Variants in GRIN2A observed in about 807,000 individuals in gnomAD.
The protein encoded by GRIN2A is glutamate receptor ionotropic, NMDA 2A.
GRIN2A carries 22 observed loss-of-function variants against 113.4 expected under a neutral mutation model. The observed-to-expected ratio is 0.19, with a 90% confidence interval of 0.14 to 0.28. The LOEUF (loss-of-function observed/expected upper bound fraction) is 0.28, where lower values mean the gene tolerates loss of function less well. Ranked by LOEUF, GRIN2A falls within the 10% of genes least tolerant of loss-of-function variation. The pLI, the probability that GRIN2A is intolerant of heterozygous loss-of-function variation, is 1.00. For missense variants in GRIN2A, 1,502 were observed against 1,887.0 expected (o/e 0.80, Z 3.78); for synonymous variants, 827 against 738.4 (o/e 1.12, Z -1.94).
At chr16:10,057,502 T>C (rs982569064) in intron 2 of GRIN2A, among the ~76,000 whole-genome samples, 1 of 152,116 alleles carries the variant, frequency 6.6e-6, no homozygotes, top group African/African-American at 2.4e-5. Context: ...ATCAATTTTG[T>C]TGAATTCTAT....
chr16:10,122,621 G>A (rs2048856925), intron 2 of GRIN2A, among the ~76,000 whole-genome samples: 1 of 152,116 alleles, frequency 6.6e-6, no homozygotes, highest in Admixed American at 6.5e-5. Context: ...AAAATGGGGA[G>A]CATTAAAATT....
chr16:10,180,697 T>G lies in GRIN2A; in HGVS notation c.-18-268A>C. On this transcript the variant is annotated intron_variant, in intron 1 of 12. Coordinates refer to ENST00000330684, the MANE Select transcript of GRIN2A (RefSeq NM_001134407.3). The surrounding 1 kb of genome is among the most constrained non-coding windows in gnomAD (Gnocchi z 7.0). ...TTCCTCATCCCCTGTCTCCAGGCAC[T>G]TCCCCATCCCCATCTCTGTCCATAT... 1 of 571,672 alleles carries G rather than the reference T, an allele frequency of 1.7e-6. No individual in the cohort carries two copies. The highest frequency in any genetic ancestry group is 3.1e-6 in the Non-Finnish European group (1 of 322,002). 35.4% of individuals were successfully genotyped at this position (571,672 alleles called of 1,614,324 possible). A position where few individuals can be genotyped will look rare whatever the true frequency, so the allele number is the denominator to read the frequency against.
chr16:9,978,124 A>G (rs2045812233), intron 2 of GRIN2A, among the ~76,000 whole-genome samples: 1 of 152,200 alleles, frequency 6.6e-6, no homozygotes, highest in African/African-American at 2.4e-5. Context: ...TCTAAACATG[A>G]CAATGCTACA....
chr16:10,134,064 T>C (rs2049133847), intron 2 of GRIN2A, among the ~76,000 whole-genome samples: 1 of 151,514 alleles, frequency 6.6e-6, no homozygotes, highest in African/African-American at 2.4e-5. Flanking sequence ...GGTATGGTGG[T>C]GCATGCCTGT....
chr16:9,917,589 G>A (rs1346013577), intron 3 of GRIN2A, among the ~76,000 whole-genome samples: 1 of 152,176 alleles, frequency 6.6e-6, no homozygotes, highest in African/African-American at 2.4e-5. Flanking sequence ...CACATCTTTT[G>A]CACTTTAACT....
chr16:9,938,687 C>T, intron 2 of GRIN2A, 136 bp from the exon 3 acceptor site: 1 of 700,294 alleles, frequency 1.4e-6, no homozygotes, highest in Non-Finnish European at 2.6e-6. Context: ...CTACTATATC[C>T]CAGACTCCAG....
chr16:10,103,071 T>C (rs372628233), intron 2 of GRIN2A, among the ~76,000 whole-genome samples: 3 of 152,194 alleles, frequency 2.0e-5, no homozygotes, highest in African/African-American at 7.2e-5. Context: ...GCTGGAAAGA[T>C]ACTAATATAG....
At chr16:9,924,380 A>C (rs1029928513) in intron 3 of GRIN2A, among the ~76,000 whole-genome samples, 1 of 152,202 alleles carries the variant, frequency 6.6e-6, no homozygotes, top group Non-Finnish European at 1.5e-5. Context: ...GTTTTCTTTC[A>C]GTACAAAATA....
chr16:10,015,252 CAAAAAA>C (rs200124835), intron 2 of GRIN2A, among the ~76,000 whole-genome samples: 3 of 19,316 alleles, frequency 1.6e-4, no homozygotes, highest in Admixed American at 8.7e-4. Context: ...GACTTCATCT[CAAAAAA>C]AAAAAAAAAA....
intron 2 of GRIN2A, among the ~76,000 whole-genome samples, chr16:10,168,782 A>G (rs887534221): frequency 6.6e-6 from 1 of 152,120 alleles, no homozygotes; most frequent in Non-Finnish European, 1.5e-5. Flanking sequence ...CCTGGCCAAC[A>G]TGGTAAAACC....
intron 3 of GRIN2A, among the ~76,000 whole-genome samples, chr16:9,936,885 T>C (rs1567186270): frequency 1.3e-5 from 2 of 152,198 alleles, no homozygotes; most frequent in Non-Finnish European, 1.5e-5. Context: ...TCACAAACTG[T>C]TGTTGTGACT....
chr16:10,125,329 G>A (rs1353905392), intron 2 of GRIN2A, among the ~76,000 whole-genome samples: 3 of 152,146 alleles, frequency 2.0e-5, no homozygotes, highest in African/African-American at 7.2e-5. Context: ...AGCAGGGGCA[G>A]CAAAGAATAT....
rs138108004 is a variant in GRIN2A, at chr16:9,852,540, C to T, written c.1123-2579G>A. ...TCCTAAATCTTCTCCAAGTTCTACT[C>T]CCTGTTCCTGACACATCCAAGTATC... On this transcript the variant is annotated intron_variant, in intron 4 of 12. Coordinates refer to ENST00000330684, the MANE Select transcript of GRIN2A (RefSeq NM_001134407.3). Among the ~76,000 whole-genome samples the T allele has an allele frequency of 2.3e-3, 346 of 152,278 alleles. 1 individual carries two copies. The highest frequency in any genetic ancestry group is 7.8e-3 in the African/African-American group (323 of 41,546).
Position 9,927,950 on chromosome 16 carries a change from C to T in GRIN2A, c.1007+10009G>A, listed in dbSNP as rs1335722541. 7.2e-5 allele frequency among the ~76,000 whole-genome samples: 11 copies of T among 152,214 alleles called. No individual in the cohort carries two copies. In the East Asian group the frequency reaches 2.1e-3, roughly 29 times the overall value. Reference sequence around the variant, plus strand: ...TTGGCCAGGACTTAACCAAATGAAGCAGATCCTCAGGAAGCTGACTGTGGG... The same window carrying T: ...TTGGCCAGGACTTAACCAAATGAAGTAGATCCTCAGGAAGCTGACTGTGGG... On this transcript the variant is annotated intron_variant, in intron 3 of 12. Transcript: ENST00000330684.
intron 7 of GRIN2A, among the ~76,000 whole-genome samples, chr16:9,836,648 T>C (rs17205996): frequency 0.15 from 23,374 of 152,210 alleles, 1,852 homozygotes; most frequent in South Asian, 0.24. Context: ...GTAGTCTTGT[T>C]TTAGTAAATT....
intron 2 of GRIN2A, among the ~76,000 whole-genome samples, chr16:9,983,351 T>C (rs1351563779): frequency 6.6e-6 from 1 of 152,182 alleles, no homozygotes; most frequent in Non-Finnish European, 1.5e-5. Context: ...ACACGTGATA[T>C]TTGGTTTTTT....
intron 2 of GRIN2A, among the ~76,000 whole-genome samples, chr16:9,995,901 G>A (rs1431897099): frequency 1.3e-5 from 2 of 151,786 alleles, no homozygotes; most frequent in African/African-American, 4.8e-5. Context: ...GGATTTGCAG[G>A]GAGGTAGAGA....
chr16:9,802,762 T>A (rs1339626620), intron 10 of GRIN2A, among the ~76,000 whole-genome samples: 1 of 152,160 alleles, frequency 6.6e-6, no homozygotes, highest in Non-Finnish European at 1.5e-5. Context: ...TCTGACACCA[T>A]CTACTATGGA....
intron 2 of GRIN2A, among the ~76,000 whole-genome samples, chr16:10,027,380 C>A (rs1020608676): frequency 6.6e-6 from 1 of 152,190 alleles, no homozygotes; most frequent in Non-Finnish European, 1.5e-5. Flanking sequence ...TCCCCCCCTG[C>A]CAGTGCTCCA....
Sources: gnomAD v4.1 joint callset for allele counts (sites outside exome capture counted in the v4.1 genomes callset) on GRCh38, gnomAD v4.1.1 for gene constraint, Gnocchi (gnomAD v3.1) non-coding constraint, MANE v1.5 for transcripts, NCBI Gene and HGNC (gene_info 2026-07-23, HGNC 2026-07-21) for gene names.